Variants in SIAH3 observed in about 807,000 individuals in gnomAD.
SIAH3 encodes seven in absentia homolog 3.
In SIAH3, 9 loss-of-function variants were observed where a neutral mutation model predicts 12.6. That is an observed-to-expected ratio of 0.72 (90% CI 0.43 to 1.25). The LOEUF is 1.25. SIAH3 is among the 50% of genes most tolerant of loss of function. The pLI, the probability that SIAH3 is intolerant of heterozygous loss-of-function variation, is 0.00. For missense variants in SIAH3, 390 were observed against 365.4 expected (o/e 1.07, Z -0.55); for synonymous variants, 154 against 151.1 (o/e 1.02, Z -0.14).
At chr13:45,848,394 G>A (rs2137587827) in intron 1 of SIAH3, among the ~76,000 whole-genome samples, 1 of 152,296 alleles carries the variant, frequency 6.6e-6, no homozygotes, top group South Asian at 2.1e-4. Flanking sequence ...TACTCTAAAT[G>A]TCCCTTTTAA....
rs190231528 is a variant in SIAH3 at position 45,843,889 on chromosome 13, C to G, written c.135+7606G>C. ...GTCATAATCCCAAAAGATGCAGTCC[C>G]AAACATCATAATCCTGAAAGTTGAA... On this transcript the variant is annotated intron_variant, in intron 1 of 1. Coordinates refer to ENST00000400405, the MANE Select transcript of SIAH3 (RefSeq NM_198849.3). 1.7e-4 allele frequency among the ~76,000 whole-genome samples: 26 copies of G among 152,264 alleles called. No individual in the cohort carries two copies. The East Asian group carries it at 2.3e-3, about 14-fold the overall frequency.
intron 1 of SIAH3, among the ~76,000 whole-genome samples, chr13:45,838,519 G>T (rs954844627): frequency 1.3e-5 from 2 of 152,096 alleles, no homozygotes; most frequent in African/African-American, 4.8e-5. Flanking sequence ...GAACAGTCAG[G>T]TTCCTGCAGT....
chr13:45,841,977 G>A (rs1035248864), intron 1 of SIAH3, among the ~76,000 whole-genome samples: 2 of 152,180 alleles, frequency 1.3e-5, no homozygotes, highest in Admixed American at 6.5e-5. Context: ...CTTAACCAAA[G>A]TACCATCCCC....
At chr13:45,800,239 T>C (rs1467380232) in intron 1 of SIAH3, among the ~76,000 whole-genome samples, 5 of 152,226 alleles carry the variant, frequency 3.3e-5, no homozygotes, top group Non-Finnish European at 7.3e-5. Context: ...CTGTTTTTTT[T>C]CTACTTGATA....
At chr13:45,814,977 C>A (rs1950629262) in intron 1 of SIAH3, among the ~76,000 whole-genome samples, 1 of 152,180 alleles carries the variant, frequency 6.6e-6, no homozygotes, top group African/African-American at 2.4e-5. Flanking sequence ...CCTGCCTTGG[C>A]CTCCCAAAGT....
chr13:45,829,948 A>G (rs1950692592), intron 1 of SIAH3, among the ~76,000 whole-genome samples: 1 of 152,164 alleles, frequency 6.6e-6, no homozygotes. Flanking sequence ...GCCTGCCTCT[A>G]ACATTTGCGA....
At position 45,851,418 on chromosome 13, in the gene SIAH3, C is replaced by G. The variant is rs1230935266; in HGVS notation, c.135+77G>C. ...GGGTTTGCAAAGGGCTGCACACGTTCGCCGGAGGGTCGCTGCCGCCTCCGA... is the reference window on the plus strand; with the variant it reads ...GGGTTTGCAAAGGGCTGCACACGTTGGCCGGAGGGTCGCTGCCGCCTCCGA... On this transcript the variant is annotated intron_variant, in intron 1 of 1. Transcript: ENST00000400405. 5 of 1,587,566 alleles carry G rather than the reference C, an allele frequency of 3.1e-6. No homozygotes were observed. In the East Asian group the frequency reaches 6.7e-5, roughly 21 times the overall value.
intron 1 of SIAH3, among the ~76,000 whole-genome samples, chr13:45,849,433 A>G (rs1325584384): frequency 6.6e-6 from 1 of 152,202 alleles, no homozygotes; most frequent in South Asian, 2.1e-4. Context: ...GAACTCTACA[A>G]ATTATATATA....
At chr13:45,824,810 T>TA (rs1593384343) in intron 1 of SIAH3, among the ~76,000 whole-genome samples, 1 of 149,634 alleles carries the variant, frequency 6.7e-6, no homozygotes, top group Non-Finnish European at 1.5e-5. Context: ...CCTCATTTAT[T>TA]AAAAAACAAA....
At chr13:45,804,215 T>G (rs1950591462) in intron 1 of SIAH3, among the ~76,000 whole-genome samples, 1 of 152,158 alleles carries the variant, frequency 6.6e-6, no homozygotes, top group African/African-American at 2.4e-5. Context: ...AGTTTGTTAT[T>G]ACTATTAATT....
intron 1 of SIAH3, among the ~76,000 whole-genome samples, chr13:45,842,932 G>A (rs185054326): frequency 1.6e-4 from 25 of 152,146 alleles, no homozygotes; most frequent in East Asian, 1.4e-3. Context: ...CCAGTATTCC[G>A]CACCCACTGG....
chr13:45,841,191 C>T (rs1950738930), intron 1 of SIAH3, among the ~76,000 whole-genome samples: 1 of 152,198 alleles, frequency 6.6e-6, no homozygotes, highest in Admixed American at 6.5e-5. Context: ...GACTCCCTGT[C>T]ACATCTTGGC....
rs147321060 is a variant in SIAH3 at position 45,851,421 on chromosome 13, C to T, written c.135+74G>A. The T allele has an allele frequency of 3.6e-4, 574 of 1,593,854 alleles. 12 individuals carry two copies. In the East Asian group the frequency reaches 0.012, roughly 34 times the overall value. On this transcript the variant is annotated intron_variant, in intron 1 of 1. Coordinates refer to ENST00000400405, the MANE Select transcript of SIAH3 (RefSeq NM_198849.3). ...TTTGCAAAGGGCTGCACACGTTCGC[C>T]GGAGGGTCGCTGCCGCCTCCGAGAA...
chr13:45,848,242 A>C (rs1950767438), intron 1 of SIAH3, among the ~76,000 whole-genome samples: 2 of 152,206 alleles, frequency 1.3e-5, no homozygotes, highest in Non-Finnish European at 1.5e-5. Context: ...GGTGGAAAGA[A>C]GTGGGGGCAC....
At chr13:45,790,486 T>C (rs1243847679) in intron 1 of SIAH3, among the ~76,000 whole-genome samples, 1 of 152,112 alleles carries the variant, frequency 6.6e-6, no homozygotes, top group Admixed American at 6.6e-5. Flanking sequence ...AAAATACATC[T>C]CAGAGATCCC....
At chr13:45,807,266 C>T (rs1950601140) in intron 1 of SIAH3, among the ~76,000 whole-genome samples, 1 of 139,908 alleles carries the variant, frequency 7.1e-6, no homozygotes, top group South Asian at 2.2e-4. Context: ...GTAATAAATA[C>T]ACCAGAATAC....
At chr13:45,830,904 C>A (rs891690878) in intron 1 of SIAH3, among the ~76,000 whole-genome samples, 1 of 152,070 alleles carries the variant, frequency 6.6e-6, no homozygotes, top group African/African-American at 2.4e-5. Flanking sequence ...GTTGGCAGGG[C>A]CTGGTAGCTC....
intron 1 of SIAH3, among the ~76,000 whole-genome samples, chr13:45,848,263 C>G (rs1221446303): frequency 6.6e-6 from 1 of 152,196 alleles, no homozygotes; most frequent in Non-Finnish European, 1.5e-5. Context: ...CATTTGGAAC[C>G]CTAATCTGTG....
At chr13:45,786,509 A>C (rs549058848) in intron 1 of SIAH3, among the ~76,000 whole-genome samples, 1 of 152,278 alleles carries the variant, frequency 6.6e-6, no homozygotes, top group East Asian at 1.9e-4. Context: ...CACAGGCTGG[A>C]GGTCGAAAGA....
Sources: gnomAD v4.1 joint callset for allele counts (sites outside exome capture counted in the v4.1 genomes callset) on GRCh38, gnomAD v4.1.1 for gene constraint, MANE v1.5 for transcripts, NCBI Gene and HGNC (gene_info 2026-07-23, HGNC 2026-07-21) for gene names.